Variants in CDHR5 observed in about 807,000 individuals in gnomAD.
The protein encoded by CDHR5 is cadherin-related family member 5.
Under a neutral mutation model 69.5 loss-of-function variants are expected in CDHR5, and 82 were observed. The observed-to-expected ratio is 1.18, with a 90% CI of 0.99 to 1.42. The LOEUF (loss-of-function observed/expected upper bound fraction) is 1.42, where lower values mean the gene tolerates loss of function less well. Ranked by LOEUF, CDHR5 falls within the 40% of genes most tolerant of loss-of-function variation. The pLI is 0.00. For missense variants in CDHR5, 1,293 were observed against 1,168.9 expected (o/e 1.11, Z -1.55); for synonymous variants, 601 against 510.2 (o/e 1.18, Z -2.40).
Position 619,316 on chromosome 11 carries a change from G to C in CDHR5, c.1368C>G (p.Pro456=). Reference sequence around the variant, plus strand: ...TGGAGGGGGGCTTACCTGTGGAGGGGGGCTCCTGTTCGGAAACTTGTATCT... The same window carrying C: ...TGGAGGGGGGCTTACCTGTGGAGGGCGGCTCCTGTTCGGAAACTTGTATCT... ...VIEIQVSEQE[P]PSTDVPPSPE... The change falls in exon 12 of 15, where the codon CCC becomes CCG. Residue 456 remains proline (P), a synonymous_variant. Coordinates refer to ENST00000397542, the MANE Select transcript of CDHR5 (RefSeq NM_021924.5). 2 of 1,610,532 alleles carry C rather than the reference G, an allele frequency of 1.2e-6. No homozygotes were observed. Among genetic ancestry groups the C allele is most frequent in the South Asian group, 2.2e-5 (2 of 90,982 alleles).
At position 617,456 on chromosome 11, in the gene CDHR5, C is replaced by T. The variant is rs150617987; in HGVS notation, c.2433G>A (p.Leu811=). The change falls in exon 15 of 15, where the codon CTG becomes CTA. Residue 811 remains leucine (L), a synonymous_variant. Coordinates refer to ENST00000397542, the MANE Select transcript of CDHR5 (RefSeq NM_021924.5). ...CGGAGTCACTGGCGCCATCCACGTCCAGGGTGGGCGCGTTGAGAACGACCA... is the reference window on the plus strand; with the variant it reads ...CGGAGTCACTGGCGCCATCCACGTCTAGGGTGGGCGCGTTGAGAACGACCA... ...ADVVVLNAPT[L]DVDGASDSGS... is the part of the protein sequence containing the mutation. 8.5e-5 allele frequency: 137 copies of T among 1,612,722 alleles called. No individual in the cohort carries two copies. The African/African-American group carries it at 1.6e-3, about 18-fold the overall frequency.
chr11:620,366 AC>A lies in CDHR5; in HGVS notation c.809del (p.Arg270LeufsTer27). 1.2e-6 allele frequency: 2 copies of A among 1,609,734 alleles called. No homozygotes were observed. Among genetic ancestry groups the A allele is most frequent in the Non-Finnish European group, 1.7e-6 (2 of 1,177,308 alleles). ...GHILPSPLVL[R>X]PGPIYAEDGD... Reference sequence around the variant, plus strand: ...CGTCCTCAGCGTAGATGGGTCCGGGACGCAGGACGAGGGGAGATGGCTTCAG... The same window carrying A: ...CGTCCTCAGCGTAGATGGGTCCGGGAGCAGGACGAGGGGAGATGGCTTCAG... On this transcript the variant is annotated frameshift_variant, in exon 8 of 15. Transcript: ENST00000397542. LOFTEE classifies it high-confidence loss of function.
chr11:618,048 A>G lies in CDHR5; in HGVS notation c.2024T>C (p.Leu675Pro), dbSNP rs1857085862. The change falls in exon 14 of 15, where the codon CTG (leucine) becomes CCG (proline). Residue 675 changes from leucine (L) to proline (P), a missense_variant. Leu to Pro is a moderately conservative substitution (Grantham distance 98, BLOSUM62 -3). Transcript: ENST00000397542. The part of the protein sequence containing the change: ...VVDMAALGGV[L>P]GALLLLALLG... ...GAGAGCCAGCAGCAGCAGCGCACCC[A>G]GCACCCCGCCCAGGGCCGCCATATC... 1 of 1,612,260 alleles carries G rather than the reference A, an allele frequency of 6.2e-7. No individual in the cohort carries two copies. Among genetic ancestry groups the G allele is most frequent in the Non-Finnish European group, 8.5e-7 (1 of 1,179,676 alleles).
Position 624,132 on chromosome 11 carries a change from T to A in CDHR5, c.312+81A>T, listed in dbSNP as rs1205470748. On this transcript the variant is annotated intron_variant, in intron 3 of 14. Coordinates refer to ENST00000397542, the MANE Select transcript of CDHR5 (RefSeq NM_021924.5). This position sits in a 1 kb window ranked among gnomAD's most constrained non-coding sequence, Gnocchi z 5.3. Reference sequence around the variant, plus strand: ...TGAAACCACACCCTAGCTGACGTCATCAAAGACTGGTCCTGGACCGGCAGG... The same window carrying A: ...TGAAACCACACCCTAGCTGACGTCAACAAAGACTGGTCCTGGACCGGCAGG... The A allele has an allele frequency of 1.5e-5, 10 of 674,014 alleles. No homozygotes were observed. The highest frequency in any genetic ancestry group is 2.2e-5 in the Non-Finnish European group (8 of 360,256). The allele number at this position is 674,014 out of a possible 1,614,324, so 41.8% of individuals were successfully genotyped here.
rs772818611 is a variant in CDHR5, at chr11:619,675, C to G, written c.1179+6G>C. The G allele has an allele frequency of 9.9e-6, 16 of 1,613,296 alleles. No homozygotes were observed. The highest frequency in any genetic ancestry group is 1.4e-5 in the Non-Finnish European group (16 of 1,179,864). ...ACAGAGGGGAGGCCTTGGATGCACT[C>G]TCTACCGAGAACTCCGGGTCCTGAG... is the stretch of plus-strand genomic sequence containing the variant. On this transcript the variant is annotated splice_donor_region_variant and intron_variant, in intron 10 of 14. Transcript: ENST00000397542.
rs771274750 is a variant in CDHR5, at chr11:617,818, C to T, written c.2119-48G>A. On this transcript the variant is annotated intron_variant, in intron 14 of 14. Transcript: ENST00000397542. ...CAGCGGGGTCCCTGGGTCTCTGCAG[C>T]CTTGGCCCTGCACACCCTCATTCCA... 1.4e-5 allele frequency: 21 copies of T among 1,466,264 alleles called. No homozygotes were observed. In the South Asian group the frequency reaches 1.8e-4, roughly 12 times the overall value. 90.8% of individuals were successfully genotyped at this position (1,466,264 alleles called of 1,614,324 possible). A position where few individuals can be genotyped will look rare whatever the true frequency, so the allele number is the denominator to read the frequency against.
In CDHR5 at chr11:621,302, G is replaced by A. The variant is rs1317302712; in HGVS notation, c.618+43C>T. On this transcript the variant is annotated intron_variant, in intron 6 of 14. Coordinates refer to ENST00000397542, the MANE Select transcript of CDHR5 (RefSeq NM_021924.5). This position sits in a 1 kb window ranked among gnomAD's most constrained non-coding sequence, Gnocchi z 4.4. Reference sequence around the variant, plus strand: ...GGCCTGGGAGCAGCTGGGGCCGGGGGGCCTCAAGTGTGTGGGACTCGGGGC... The same window carrying A: ...GGCCTGGGAGCAGCTGGGGCCGGGGAGCCTCAAGTGTGTGGGACTCGGGGC... The A allele has an allele frequency of 1.2e-6, 2 of 1,611,034 alleles. No homozygotes were observed. The highest frequency in any genetic ancestry group is 2.7e-5 in the African/African-American group (2 of 75,008).
chr11:619,417 C>T (rs1361493063), intron 11 of CDHR5, 27 bp from the exon 12 acceptor site: 7 of 1,608,978 alleles, frequency 4.4e-6, no homozygotes, highest in Middle Eastern at 1.7e-4. Context: ...CTTGTCCCTC[C>T]TAGACACATC....
intron 3 of CDHR5, among the ~76,000 whole-genome samples, chr11:622,958 T>C (rs2133214459): frequency 6.6e-6 from 1 of 152,278 alleles, no homozygotes; most frequent in South Asian, 2.1e-4. Flanking sequence ...TGAGTTTCTG[T>C]TCATCTGTAC....
chr11:618,960 G>A lies in CDHR5; in HGVS notation c.1599C>T (p.Ala533=), dbSNP rs1188545752. ...GAENSTSHQP[A]TPGGDTAQTP... is the part of the protein sequence containing the mutation. ...TCTGTGCTGTGTCCCCACCGGGAGT[G>A]GCTGGTTGGTGGGAGGTGCTGTTTT... Residue 533 remains alanine, a synonymous_variant, in exon 13 of 15, where the codon GCC becomes GCT. Transcript: ENST00000397542. The A allele has an allele frequency of 3.1e-6, 5 of 1,613,676 alleles. No individual in the cohort carries two copies. Among genetic ancestry groups the A allele is most frequent in the Non-Finnish European group, 3.4e-6 (4 of 1,179,928 alleles).
Position 617,582 on chromosome 11 carries a change from T to G in CDHR5, c.2307A>C (p.Gly769=). The stretch of plus-strand genomic sequence containing the variant: ...GGATGGACCTCACCGCCGTGGGGCT[T>G]CCGCCAGCTCGGGCCGCTGCGGGGG... ...PEPPAAARAG[G]SPTAVRSILT... The change falls in exon 15 of 15, where the codon GGA becomes GGC. Residue 769 remains glycine, a synonymous_variant. Coordinates refer to ENST00000397542, the MANE Select transcript of CDHR5 (RefSeq NM_021924.5). The G allele has an allele frequency of 1.9e-6, 3 of 1,610,792 alleles. No homozygotes were observed. The highest frequency in any genetic ancestry group is 2.5e-6 in the Non-Finnish European group (3 of 1,178,904).
Position 621,125 on chromosome 11 carries a change from G to A in CDHR5, c.744C>T (p.Cys248=). 1 of 1,584,978 alleles carries A rather than the reference G, an allele frequency of 6.3e-7. No homozygotes were observed. ...LPCTFSDGYV[C]IQAQYHGAVP... is the part of the protein sequence containing the mutation. ...CAGCCCCGTGGTACTGAGCTTGAAT[G>A]CAGACGTAGCCATCTGAGAAGGTGC... Residue 248 remains cysteine (C), a synonymous_variant, in exon 7 of 15, where the codon TGC becomes TGT. Coordinates refer to ENST00000397542, the MANE Select transcript of CDHR5 (RefSeq NM_021924.5). This position sits in a 1 kb window ranked among gnomAD's most constrained non-coding sequence, Gnocchi z 4.4.
In CDHR5 at chr11:621,582, T is replaced by G. The variant is rs1178824301; in HGVS notation, c.487A>C (p.Thr163Pro). Residue 163 changes from threonine (T) to proline (P), a missense_variant, in exon 5 of 15, where the codon ACC becomes CCC. Thr to Pro is a conservative substitution (Grantham distance 38, BLOSUM62 -1). Coordinates refer to ENST00000397542, the MANE Select transcript of CDHR5 (RefSeq NM_021924.5). This position sits in a 1 kb window ranked among gnomAD's most constrained non-coding sequence, Gnocchi z 4.4. ...DRDKDDILFYTLQEMTAGASD... is the reference protein window; with the variant it reads ...DRDKDDILFYPLQEMTAGASD... ...CTGACTGCTGTCATTTCCTGGAGGG[T>G]GTAGAACAGAATGTCGTCCTTGTCG... 1.2e-6 allele frequency: 2 copies of G among 1,612,836 alleles called. No homozygotes were observed. The highest frequency in any genetic ancestry group is 2.2e-5 in the South Asian group (2 of 91,024).
Position 617,423 on chromosome 11 carries a change from G to A in CDHR5, c.2466C>T (p.Gly822=), listed in dbSNP as rs374458706. The A allele has an allele frequency of 3.7e-5, 59 of 1,610,404 alleles. No homozygotes were observed. Among genetic ancestry groups the A allele is most frequent in the Middle Eastern group, 1.7e-4 (1 of 6,044 alleles). The change falls in exon 15 of 15, where the codon GGC becomes GGT. Residue 822 remains glycine (G), a synonymous_variant. Transcript: ENST00000397542. ...CCCTCCCCGCGCCCTCGCCCTCATCGCCGCTGCCGGAGTCACTGGCGCCAT... is the reference window on the plus strand; with the variant it reads ...CCCTCCCCGCGCCCTCGCCCTCATCACCGCTGCCGGAGTCACTGGCGCCAT... ...DVDGASDSGS[G]DEGEGAGRGG... is the part of the protein sequence containing the mutation.
Position 624,905 on chromosome 11 carries a change from T to G in CDHR5, c.-3A>C. 6.5e-7 allele frequency: 1 copy of G among 1,548,752 alleles called. No individual in the cohort carries two copies. The highest frequency in any genetic ancestry group is 8.7e-7 in the Non-Finnish European group (1 of 1,149,962). On this transcript the variant is annotated 5_prime_UTR_variant, in exon 1 of 15. Coordinates refer to ENST00000397542, the MANE Select transcript of CDHR5 (RefSeq NM_021924.5). The surrounding 1 kb of genome is among the most constrained non-coding windows in gnomAD (Gnocchi z 5.3). Reference sequence around the variant, plus strand: ...CACAGCAGGGCCCAAGACCCCATCTTGGCGGCTGTCACCTGGCAGGAGGGT... The same window carrying G: ...CACAGCAGGGCCCAAGACCCCATCTGGGCGGCTGTCACCTGGCAGGAGGGT...
rs1190806911 is a variant in CDHR5 at position 624,263 on chromosome 11, C to T, written c.262G>A (p.Glu88Lys). 2 of 770,202 alleles carry T rather than the reference C, an allele frequency of 2.6e-6. No homozygotes were observed. Among genetic ancestry groups the T allele is most frequent in the South Asian group, 1.4e-5 (1 of 72,698 alleles). 47.7% of individuals were successfully genotyped at this position (770,202 alleles called of 1,614,324 possible). A position where few individuals can be genotyped will look rare whatever the true frequency, so the allele number is the denominator to read the frequency against. Residue 88 changes from glutamate to lysine, a missense_variant and splice_region_variant, in exon 3 of 15, where the codon GAG becomes AAG. Glu to Lys is a moderately conservative substitution (Grantham distance 56). Transcript: ENST00000397542. The surrounding 1 kb of genome is among the most constrained non-coding windows in gnomAD (Gnocchi z 5.3). ...AGCTGAGCCTCAAGCAGTGACTTCT[C>T]CTGTGGATGTAGACAGGTCTGCAGT... ...LFLNVTPDYE[E>K]KSLLEAQLLC...
At chr11:622,142 G>T (rs544728476) in intron 3 of CDHR5, among the ~76,000 whole-genome samples, 12 of 150,600 alleles carry the variant, frequency 8.0e-5, no homozygotes, top group Non-Finnish European at 1.6e-4. Flanking sequence ...ACCCGTCCCC[G>T]CCGTGAGTGG....
At position 618,251 on chromosome 11, in the gene CDHR5, C is replaced by A. The variant is rs551960064; in HGVS notation, c.1961-140G>T. 2.2e-5 allele frequency: 17 copies of A among 762,536 alleles called. No homozygotes were observed. In the African/African-American group the frequency reaches 3.0e-4, roughly 13 times the overall value. 47.2% of individuals were successfully genotyped at this position (762,536 alleles called of 1,614,324 possible). A position where few individuals can be genotyped will look rare whatever the true frequency, so the allele number is the denominator to read the frequency against. On this transcript the variant is annotated intron_variant, in intron 13 of 14. Coordinates refer to ENST00000397542, the MANE Select transcript of CDHR5 (RefSeq NM_021924.5). ...CTCCCAAATCTCAGGCTCTGCTGAC[C>A]CTGGCTCAAGGGGCCTGTGTGTCCC...
chr11:622,893 A>G (rs1250120050), intron 3 of CDHR5, among the ~76,000 whole-genome samples: 1 of 152,150 alleles, frequency 6.6e-6, no homozygotes, highest in African/African-American at 2.4e-5. Context: ...AGGGTTTTTT[A>G]ACAATTGTTT....
Sources: allele counts gnomAD v4.1 joint callset (sites outside exome capture counted in the v4.1 genomes callset), GRCh38; gene constraint gnomAD v4.1.1; non-coding constraint Gnocchi (gnomAD v3.1); transcripts MANE v1.5; gene names NCBI Gene and HGNC (gene_info 2026-07-23, HGNC 2026-07-21).